SLC35F2: variants seen among roughly 807,000 people sequenced by gnomAD.
SLC35F2 encodes the protein queuine/queuosine transporter SLC35F2.
In SLC35F2, 25 loss-of-function variants were observed where a neutral mutation model predicts 38.1. That is an observed-to-expected ratio of 0.66 (90% CI 0.48 to 0.92). SLC35F2 has a LOEUF of 0.92. Ranked by LOEUF, SLC35F2 falls within the 40% of genes least tolerant of loss-of-function variation. The probability of loss-of-function intolerance (pLI) is 0.00; values close to 1 mark genes in which losing one functional copy is unlikely to be tolerated. For synonymous variants in SLC35F2, 173 were observed against 181.7 expected, an observed-to-expected ratio of 0.95 and a Z score of 0.38; for missense variants, 409 against 452.9, an observed-to-expected ratio of 0.90 and a Z score of 0.88.
At chr11:107,821,710 C>T (rs754273301) in intron 1 of SLC35F2, 76 of 746,116 alleles carry the variant, frequency 1.0e-4, no homozygotes, top group Non-Finnish European at 1.2e-4. Flanking sequence ...TATATCCTGT[C>T]CCGGTTTTAC....
chr11:107,827,931 T>G (rs149555970), intron 1 of SLC35F2, among the ~76,000 whole-genome samples: 10 of 152,118 alleles, frequency 6.6e-5, no homozygotes, highest in Non-Finnish European at 1.2e-4. Context: ...AATTAATTAA[T>G]TAAGTAAACA....
rs573986794 is a variant in SLC35F2 at position 107,830,456 on chromosome 11, T to C, written c.111-14491A>G. 2.3e-3 allele frequency among the ~76,000 whole-genome samples: 344 copies of C among 151,844 alleles called. 1 individual carries two copies. The highest frequency in any genetic ancestry group is 7.8e-3 in the African/African-American group (322 of 41,418). ...AAAATTAGCTGGGCATGGTGGTGGATGCCTGTAGTCCCAGCTACTCAGGAG... is the reference window on the plus strand; with the variant it reads ...AAAATTAGCTGGGCATGGTGGTGGACGCCTGTAGTCCCAGCTACTCAGGAG... On this transcript the variant is annotated intron_variant, in intron 1 of 7. Coordinates refer to ENST00000525815, the MANE Select transcript of SLC35F2 (RefSeq NM_017515.5).
chr11:107,833,433 A>T (rs1319603273), intron 1 of SLC35F2, among the ~76,000 whole-genome samples: 3 of 150,698 alleles, frequency 2.0e-5, no homozygotes, highest in African/African-American at 7.3e-5. Flanking sequence ...GCAGGAGAAT[A>T]GCTTGAACCT....
intron 1 of SLC35F2, among the ~76,000 whole-genome samples, chr11:107,823,513 T>A (rs1413149663): frequency 6.6e-6 from 1 of 152,206 alleles, no homozygotes; most frequent in Non-Finnish European, 1.5e-5. Context: ...ATAAAAATCC[T>A]ATTATGAACC....
chr11:107,855,833 C>T lies in SLC35F2; in HGVS notation c.110+2825G>A, dbSNP rs563435506. On this transcript the variant is annotated intron_variant, in intron 1 of 7. Coordinates refer to ENST00000525815, the MANE Select transcript of SLC35F2 (RefSeq NM_017515.5). ...TTAGGAGAGAAAAAAAAAAATCAGG[C>T]CAGGCACGGTGGCTTACGCTTATAA... Among the ~76,000 whole-genome samples the T allele has an allele frequency of 5.6e-5, 8 of 143,856 alleles. No homozygotes were observed. In the East Asian group the frequency reaches 1.4e-3, roughly 26 times the overall value. The allele number at this position is 143,856 out of a possible 152,430, so 94.4% of individuals were successfully genotyped here. A position where few individuals can be genotyped will look rare whatever the true frequency, so the allele number is the denominator to read the frequency against.
chr11:107,858,432 A>C, intron 1 of SLC35F2: 1 of 391,590 alleles, frequency 2.6e-6, no homozygotes, highest in Non-Finnish European at 4.5e-6. Flanking sequence ...ATACATCGCC[A>C]CGATTTCGAA....
chr11:107,836,656 G>C (rs1336343173), intron 1 of SLC35F2, among the ~76,000 whole-genome samples: 1 of 152,164 alleles, frequency 6.6e-6, no homozygotes, highest in African/African-American at 2.4e-5. Context: ...AGGTGGAAAA[G>C]GCCAGGAATT....
chr11:107,796,448 A>G (rs997388593), intron 7 of SLC35F2, among the ~76,000 whole-genome samples: 26 of 152,350 alleles, frequency 1.7e-4, no homozygotes, highest in African/African-American at 6.3e-4. Flanking sequence ...ATTCAGCCAC[A>G]AAAAAATGAA....
At chr11:107,838,763 G>A (rs1351555291) in intron 1 of SLC35F2, among the ~76,000 whole-genome samples, 2 of 151,758 alleles carry the variant, frequency 1.3e-5, no homozygotes, top group African/African-American at 4.8e-5. Flanking sequence ...CAAGTAGCTG[G>A]GACTACAGGC....
chr11:107,852,229 C>G (rs1860198489), intron 1 of SLC35F2, among the ~76,000 whole-genome samples: 1 of 151,930 alleles, frequency 6.6e-6, no homozygotes, highest in Non-Finnish European at 1.5e-5. Context: ...ACCAGCTCAG[C>G]CAACATGGTG....
At chr11:107,854,345 A>C (rs976633997) in intron 1 of SLC35F2, among the ~76,000 whole-genome samples, 3 of 151,702 alleles carry the variant, frequency 2.0e-5, no homozygotes, top group Non-Finnish European at 4.4e-5. Flanking sequence ...AGGTGGGAGG[A>C]TCACTTGAGC....
chr11:107,847,279 G>A (rs1860115717), intron 1 of SLC35F2, among the ~76,000 whole-genome samples: 1 of 152,086 alleles, frequency 6.6e-6, no homozygotes, highest in African/African-American at 2.4e-5. Flanking sequence ...TTGAACTCCT[G>A]AGCTCCAGAA....
intron 1 of SLC35F2, among the ~76,000 whole-genome samples, chr11:107,839,486 C>T (rs1034810337): frequency 6.1e-4 from 93 of 152,252 alleles, no homozygotes; most frequent in African/African-American, 2.0e-3. Flanking sequence ...AAACATATTA[C>T]CCTGCCTCTC....
chr11:107,840,927 C>T (rs1161514016), intron 1 of SLC35F2, among the ~76,000 whole-genome samples: 4 of 152,076 alleles, frequency 2.6e-5, no homozygotes, highest in Non-Finnish European at 5.9e-5. Flanking sequence ...GTGAGGGAAG[C>T]GGAGGCGGCG....
At chr11:107,807,816 C>G (rs1254029533) in intron 3 of SLC35F2, among the ~76,000 whole-genome samples, 1 of 152,184 alleles carries the variant, frequency 6.6e-6, no homozygotes, top group Non-Finnish European at 1.5e-5. Flanking sequence ...GTCAGGTGAT[C>G]TGTCTGCCTC....
At chr11:107,803,778 C>CACAA (rs747180215) in intron 6 of SLC35F2, among the ~76,000 whole-genome samples, 1 of 76,612 alleles carries the variant, frequency 1.3e-5, no homozygotes, top group Non-Finnish European at 3.6e-5. Flanking sequence ...CCATACTCAA[C>CACAA]ACACACACAC....
intron 1 of SLC35F2, chr11:107,840,817 C>G (rs1446927654): frequency 6.6e-6 from 1 of 152,196 alleles, no homozygotes; most frequent in African/African-American, 2.4e-5. Flanking sequence ...CCACCAGTAC[C>G]TCTAACAACT....
intron 6 of SLC35F2, chr11:107,803,557 G>C (rs1859347932): frequency 2.1e-6 from 2 of 946,262 alleles, no homozygotes; most frequent in Non-Finnish European, 2.5e-6. Context: ...CTTTTGTTTG[G>C]TTGGACATGA....
At chr11:107,829,245 C>G (rs1263379074) in intron 1 of SLC35F2, among the ~76,000 whole-genome samples, 1 of 151,964 alleles carries the variant, frequency 6.6e-6, no homozygotes, top group Non-Finnish European at 1.5e-5. Context: ...ATGGTGAAAC[C>G]CCATCTCTAC....
Sources: gnomAD v4.1 joint callset for allele counts (sites outside exome capture counted in the v4.1 genomes callset) on GRCh38, gnomAD v4.1.1 for gene constraint, MANE v1.5 for transcripts, NCBI Gene and HGNC (gene_info 2026-07-23, HGNC 2026-07-21) for gene names.